Variants in DNAH6 observed in about 807,000 individuals in gnomAD.
DNAH6 encodes the protein dynein axonemal heavy chain 6.
DNAH6 carries 340 observed loss-of-function variants against 491.4 expected under a neutral mutation model. That is an observed-to-expected ratio of 0.69 (90% CI 0.63 to 0.76). DNAH6 has a LOEUF of 0.76. Ranked by LOEUF, DNAH6 falls within the 30% of genes least tolerant of loss-of-function variation. DNAH6 has a pLI of 0.00. For missense variants in DNAH6, 4,443 were observed against 4,972.2 expected, an observed-to-expected ratio of 0.89 and a Z score of 3.20; for synonymous variants, 1,603 against 1,686.1, an observed-to-expected ratio of 0.95 and a Z score of 1.21.
chr2:84,548,368 A>G lies in DNAH6; in HGVS notation c.1267A>G (p.Thr423Ala). ...CACTTATGGAGACTCTGAGAAAATG[A>G]CATATACAGAACAGGCCAGCAAAAG... is the stretch of plus-strand genomic sequence containing the variant. Reference protein sequence around the residue: ...LPTYGDSEKMTYTEQASKRHY... With the variant: ...LPTYGDSEKMAYTEQASKRHY... Residue 423 changes from threonine to alanine, a missense_variant, in exon 8 of 77, where the codon ACA becomes GCA. Transcript: ENST00000389394. The G allele has an allele frequency of 6.2e-7, 1 of 1,614,062 alleles. No individual in the cohort carries two copies. Among genetic ancestry groups the G allele is most frequent in the Non-Finnish European group, 8.5e-7 (1 of 1,179,958 alleles).
At chr2:84,731,308 C>T (rs888588727) in intron 61 of DNAH6, among the ~76,000 whole-genome samples, 2 of 152,232 alleles carry the variant, frequency 1.3e-5, no homozygotes, top group African/African-American at 4.8e-5. Context: ...CCACAGCTAC[C>T]TACTGCTGAA....
intron 62 of DNAH6, among the ~76,000 whole-genome samples, chr2:84,736,045 T>C (rs190418617): frequency 4.6e-5 from 7 of 152,200 alleles, no homozygotes; most frequent in Admixed American, 4.6e-4. Context: ...TGGTAAGAAG[T>C]AGGGGGTCCA....
At chr2:84,618,033 G>A (rs1415635785) in intron 23 of DNAH6, among the ~76,000 whole-genome samples, 1 of 152,032 alleles carries the variant, frequency 6.6e-6, no homozygotes, top group African/African-American at 2.4e-5. Context: ...GACAACTCTA[G>A]TCCTAGAACT....
At chr2:84,720,651 C>T (rs1045392422) in intron 59 of DNAH6, among the ~76,000 whole-genome samples, 2 of 152,226 alleles carry the variant, frequency 1.3e-5, no homozygotes, top group Middle Eastern at 3.4e-3. Context: ...TCGTGGCTAT[C>T]CACTTTTGCC....
chr2:84,807,797 C>T (rs1252892764), intron 71 of DNAH6, among the ~76,000 whole-genome samples: 1 of 152,176 alleles, frequency 6.6e-6, no homozygotes, highest in Non-Finnish European at 1.5e-5. Context: ...CATTGGAGAC[C>T]TTTCAAACCC....
At chr2:84,766,584 A>G (rs1048700009) in intron 64 of DNAH6, among the ~76,000 whole-genome samples, 7 of 152,186 alleles carry the variant, frequency 4.6e-5, no homozygotes, top group Non-Finnish European at 8.8e-5. Context: ...CAAACTAAGG[A>G]CTCAGATCAA....
In DNAH6 at chr2:84,579,665, G is replaced by A. The variant is rs866262807; in HGVS notation, c.2215G>A (p.Glu739Lys). 6.3e-7 allele frequency: 1 copy of A among 1,584,594 alleles called. No individual in the cohort carries two copies. Among genetic ancestry groups the A allele is most frequent in the Non-Finnish European group, 8.6e-7 (1 of 1,168,654 alleles). The change falls in exon 14 of 77, where the codon GAA (glutamate) becomes AAA (lysine). Residue 739 changes from glutamate to lysine, a missense_variant. Coordinates refer to ENST00000389394, the MANE Select transcript of DNAH6 (RefSeq NM_001370.2). ...EYVHSLLFLDEIQERIESLED... is the reference protein window; with the variant it reads ...EYVHSLLFLDKIQERIESLED... ...TGTTCATAGCTTATTATTTCTTGAT[G>A]AAATTCAGGAACGGGTGAGTTGATT... is the stretch of plus-strand genomic sequence containing the variant.
At chr2:84,522,858 C>T (rs1439208343) in intron 2 of DNAH6, among the ~76,000 whole-genome samples, 2 of 151,948 alleles carry the variant, frequency 1.3e-5, no homozygotes, top group African/African-American at 2.4e-5. Flanking sequence ...CTTCTGGATT[C>T]GATTTGCAAG....
At chr2:84,556,366 C>G (rs1680024195) in intron 10 of DNAH6, among the ~76,000 whole-genome samples, 1 of 152,182 alleles carries the variant, frequency 6.6e-6, no homozygotes, top group South Asian at 2.1e-4. Flanking sequence ...GCAGAGTATC[C>G]TATTTCTGCA....
chr2:84,735,517 T>C (rs1035352756), intron 62 of DNAH6, among the ~76,000 whole-genome samples: 1 of 152,228 alleles, frequency 6.6e-6, no homozygotes, highest in Non-Finnish European at 1.5e-5. Flanking sequence ...AGCAACAGTA[T>C]GTAAGCATTC....
the DNAH6 span, among the ~76,000 whole-genome samples, chr2:84,504,234 C>G: frequency 1.3e-5 from 2 of 152,096 alleles, no homozygotes; most frequent in African/African-American, 4.8e-5. Context: ...TTTTCAGCAC[C>G]AGAATTTCTG....
chr2:84,510,893 T>C, the DNAH6 span, among the ~76,000 whole-genome samples: 1 of 152,164 alleles, frequency 6.6e-6, no homozygotes, highest in Non-Finnish European at 1.5e-5. Flanking sequence ...ACAGCAGATA[T>C]TGGTAAACAG....
intron 64 of DNAH6, among the ~76,000 whole-genome samples, chr2:84,770,575 G>GAAAAATATACAAAAGGGATACAA (rs1254884266): frequency 2.6e-5 from 4 of 152,008 alleles, no homozygotes; most frequent in Non-Finnish European, 5.9e-5. Context: ...TAATTAAAAT[G>GAAAAATATACAAAAGGGATACAA]AAAAATATAC....
intron 9 of DNAH6, 33 bp downstream of exon 9, chr2:84,550,090 G>T: frequency 6.4e-7 from 1 of 1,561,740 alleles, no homozygotes. Flanking sequence ...ATATTTTATT[G>T]GTCAGCATTT....
intron 63 of DNAH6, among the ~76,000 whole-genome samples, chr2:84,756,113 A>C (rs1673985753): frequency 6.6e-6 from 1 of 152,178 alleles, no homozygotes. Flanking sequence ...TGTCTTTATC[A>C]GCAGCGTGAA....
chr2:84,624,315 C>G lies in DNAH6; in HGVS notation c.4122C>G (p.His1374Gln). 6.4e-7 allele frequency: 1 copy of G among 1,551,160 alleles called. No homozygotes were observed. Among genetic ancestry groups the G allele is most frequent in the East Asian group, 2.4e-5 (1 of 40,888 alleles). Residue 1374 changes from histidine (H) to glutamine (Q), a missense_variant, in exon 27 of 77, where the codon CAC (histidine) becomes CAG (glutamine). His to Gln is a conservative substitution (Grantham distance 24). Around this residue, in one of 3 missense-constraint regions of DNAH6, gnomAD observed 2,977 missense variants for 3,296.6 expected, o/e 0.90. Transcript: ENST00000389394. ...AIVQGSLPKL[H>Q]RNILTALITI... ...TTCAAGGCAGTCTTCCTAAATTACA[C>G]AGAAACATCCTAACTGCATTGATTA...
intron 21 of DNAH6, among the ~76,000 whole-genome samples, chr2:84,609,091 A>T (rs1214372871): frequency 6.6e-6 from 1 of 152,176 alleles, no homozygotes; most frequent in Admixed American, 6.5e-5. Flanking sequence ...TAGCCTTTTT[A>T]AAATTGAAAA....
At chr2:84,728,121 G>C (rs934805828) in intron 61 of DNAH6, among the ~76,000 whole-genome samples, 4 of 152,148 alleles carry the variant, frequency 2.6e-5, no homozygotes, top group African/African-American at 9.7e-5. Flanking sequence ...TTTTCACTTC[G>C]TTTTCATTCT....
chr2:84,563,054 C>G (rs1388426689), intron 11 of DNAH6, among the ~76,000 whole-genome samples: 1 of 152,078 alleles, frequency 6.6e-6, no homozygotes, highest in African/African-American at 2.4e-5. Context: ...GGGCAGTTCC[C>G]CCGCACATGA....
Sources: allele counts gnomAD v4.1 joint callset (sites outside exome capture counted in the v4.1 genomes callset), GRCh38; gene constraint gnomAD v4.1.1; regional missense constraint gnomAD v4.1.1; transcripts MANE v1.5; gene names NCBI Gene and HGNC (gene_info 2026-07-23, HGNC 2026-07-21).